CCND3: variants seen among roughly 807,000 people sequenced by gnomAD.
CCND3 encodes cyclin D3, also known as G1/S-specific cyclin-D3.
Under a neutral mutation model 28.7 loss-of-function variants are expected in CCND3, and 9 were observed. That is an observed-to-expected ratio of 0.31 (90% confidence interval 0.19 to 0.55). CCND3 has a LOEUF of 0.55. Ranked by LOEUF, CCND3 falls within the 20% of genes least tolerant of loss-of-function variation. The pLI is 0.93. For missense variants in CCND3, 315 were observed against 385.8 expected (o/e 0.82, Z 1.54); for synonymous variants, 164 against 163.9 (o/e 1.00, Z 0.00).
chr6:41,937,249 G>T lies in CCND3; in HGVS notation c.560C>A (p.Ala187Asp), dbSNP rs1303783852. The T allele has an allele frequency of 6.2e-7, 1 of 1,614,106 alleles. No homozygotes were observed. The highest frequency in any genetic ancestry group is 2.2e-5 in the East Asian group (1 of 44,890). The stretch of plus-strand genomic sequence containing the variant: ...AGGGCTCTTACCTGTAGCACAGAGG[G>T]CCAAAAAGGTCTGGGCATGCTTTTT... Reference protein sequence around the residue: ...LVKKHAQTFLALCATDYTFAM... With the variant: ...LVKKHAQTFLDLCATDYTFAM... The change falls in exon 3 of 5, where the codon GCC (alanine) becomes GAC (aspartate). Residue 187 changes from alanine (A) to aspartate (D), a missense_variant. Physicochemically the swap from Ala to Asp is moderately radical, Grantham distance 126 (BLOSUM62 -2). Transcript: ENST00000372991.
chr6:41,940,645 G>A, intron 1 of CCND3, 60 bp from the exon 2 acceptor site: 3 of 1,211,078 alleles, frequency 2.5e-6, no homozygotes, highest in Non-Finnish European at 3.7e-6. Context: ...GCAGCGGGGG[G>A]GTGGGAGCGC....
chr6:42,040,547 C>A (rs747116899), intron 1 of CCND3, among the ~76,000 whole-genome samples: 3 of 151,832 alleles, frequency 2.0e-5, no homozygotes, highest in Non-Finnish European at 4.4e-5. Flanking sequence ...GCCTCAGGGG[C>A]TTTATCTGCA....
intron 1 of CCND3, among the ~76,000 whole-genome samples, chr6:41,977,077 T>G (rs551404430): frequency 7.9e-5 from 12 of 152,266 alleles, no homozygotes; most frequent in African/African-American, 2.9e-4. Flanking sequence ...CTCATTGGCA[T>G]AAGGAATCCA....
intron 1 of CCND3, among the ~76,000 whole-genome samples, chr6:41,959,493 G>A (rs891320013): frequency 3.3e-5 from 5 of 151,598 alleles, no homozygotes; most frequent in Non-Finnish European, 7.4e-5. Flanking sequence ...GACCATCCTG[G>A]CCAACATGGT....
chr6:41,980,071 T>G (rs902862096), intron 1 of CCND3, among the ~76,000 whole-genome samples: 6 of 135,762 alleles, frequency 4.4e-5, no homozygotes, highest in Non-Finnish European at 1.6e-5. Context: ...TAATCCTCTA[T>G]CTATCTTAAA....
upstream of CCND3, among the ~76,000 whole-genome samples, chr6:41,944,263 G>A (rs1776113005): frequency 6.6e-6 from 1 of 152,066 alleles, no homozygotes; most frequent in African/African-American, 2.4e-5. Context: ...CTTGAGCCCA[G>A]GAGTTCAAGG....
At chr6:42,005,526 G>C (rs1297084546) in intron 1 of CCND3, among the ~76,000 whole-genome samples, 1 of 107,260 alleles carries the variant, frequency 9.3e-6, no homozygotes, top group Non-Finnish European at 1.7e-5. Context: ...GGGAGACAGA[G>C]TGAGACCCTG....
chr6:42,046,264 T>G (rs999999501), intron 1 of CCND3, among the ~76,000 whole-genome samples: 2 of 152,174 alleles, frequency 1.3e-5, no homozygotes, highest in Non-Finnish European at 2.9e-5. Context: ...TGTCCCGTGC[T>G]CTCGCTTGCA....
intron 1 of CCND3, among the ~76,000 whole-genome samples, chr6:41,999,810 G>A (rs974874427): frequency 6.6e-6 from 1 of 152,108 alleles, no homozygotes; most frequent in Non-Finnish European, 1.5e-5. Flanking sequence ...AGGATTCTTC[G>A]AGCCTAGAAG....
chr6:41,962,646 G>C (rs1042353568), intron 1 of CCND3, among the ~76,000 whole-genome samples: 5 of 152,210 alleles, frequency 3.3e-5, no homozygotes, highest in Non-Finnish European at 5.9e-5. Flanking sequence ...TTACTGAGGA[G>C]GCTTAGGTGG....
chr6:41,936,031 G>T lies in CCND3; in HGVS notation c.788C>A (p.Ser263Tyr), dbSNP rs1319973627. 1.2e-6 allele frequency: 2 copies of T among 1,613,408 alleles called. No individual in the cohort carries two copies. Among genetic ancestry groups the T allele is most frequent in the Non-Finnish European group, 1.7e-6 (2 of 1,179,620 alleles). The part of the protein sequence containing the change: ...ESLREASQTS[S>Y]SPAPKAPRGS... Reference sequence around the variant, plus strand: ...CCGGGGGGCTTTGGGCGCTGGGCTGGAGCTGGTCTGAGAGGCTTCCCTGAG... The same window carrying T: ...CCGGGGGGCTTTGGGCGCTGGGCTGTAGCTGGTCTGAGAGGCTTCCCTGAG... Residue 263 changes from serine (S) to tyrosine (Y), a missense_variant, in exon 5 of 5, where the codon TCC (serine) becomes TAC (tyrosine). Ser to Tyr is a moderately radical substitution (Grantham distance 144). Coordinates refer to ENST00000372991, the MANE Select transcript of CCND3 (RefSeq NM_001760.5). The surrounding 1 kb of genome is among the most constrained non-coding windows in gnomAD (Gnocchi z 4.4).
chr6:41,969,162 T>C (rs1761967088), intron 1 of CCND3, among the ~76,000 whole-genome samples: 1 of 152,042 alleles, frequency 6.6e-6, no homozygotes, highest in African/African-American at 2.4e-5. Flanking sequence ...AACTAGAATC[T>C]TCACGCCTGT....
intron 1 of CCND3, among the ~76,000 whole-genome samples, chr6:42,045,596 C>T (rs1764516348): frequency 6.6e-6 from 1 of 152,190 alleles, no homozygotes; most frequent in Non-Finnish European, 1.5e-5. Flanking sequence ...TGGAATTAGC[C>T]TTTCTCAACC....
In CCND3 at chr6:42,048,502, T is replaced by C. The variant is rs768243898; in HGVS notation, c.-47A>G. ...GGTTTCTCCAGCACCCAAGCCTACC[T>C]CCTCGTCAGGTGACCTCCCCGGAGC... is the stretch of plus-strand genomic sequence containing the variant. On this transcript the variant is annotated splice_region_variant and 5_prime_UTR_variant, in exon 1 of 5. Coordinates refer to the CCND3 transcript ENST00000372988. The surrounding 1 kb of genome is among the most constrained non-coding windows in gnomAD (Gnocchi z 4.7). 5.9e-6 allele frequency: 3 copies of C among 511,576 alleles called. No homozygotes were observed. The highest frequency in any genetic ancestry group is 4.3e-5 in the South Asian group (3 of 70,314). 31.7% of individuals were successfully genotyped at this position (511,576 alleles called of 1,614,324 possible).
chr6:41,983,384 A>G (rs2127413093), intron 1 of CCND3, among the ~76,000 whole-genome samples: 1 of 152,118 alleles, frequency 6.6e-6, no homozygotes, highest in African/African-American at 2.4e-5. Context: ...AAAAAAAAAA[A>G]AGGTGTATGT....
chr6:42,004,798 AG>A, intron 1 of CCND3, among the ~76,000 whole-genome samples: 1 of 152,332 alleles, frequency 6.6e-6, no homozygotes, highest in East Asian at 1.9e-4. Context: ...TTAAAGTGAA[AG>A]GGAGTACCAT....
intron 1 of CCND3, chr6:42,010,761 G>A (rs1245523945): frequency 6.6e-6 from 1 of 152,216 alleles, no homozygotes; most frequent in Non-Finnish European, 1.5e-5. Flanking sequence ...GACCTGCTCA[G>A]ACACCTTCTC....
intron 1 of CCND3, among the ~76,000 whole-genome samples, chr6:42,018,874 A>G (rs1322373884): frequency 6.9e-6 from 1 of 143,966 alleles, no homozygotes; most frequent in East Asian, 2.1e-4. Flanking sequence ...CTGGGCAGCA[A>G]GAGCGAAACT....
At chr6:42,004,212 C>CA (rs1001737343) in intron 1 of CCND3, among the ~76,000 whole-genome samples, 2 of 151,538 alleles carry the variant, frequency 1.3e-5, no homozygotes, top group African/African-American at 4.8e-5. Flanking sequence ...TCTCATCCCT[C>CA]ACTCAGCCTC....
Sources: allele counts gnomAD v4.1 joint callset (sites outside exome capture counted in the v4.1 genomes callset), GRCh38; gene constraint gnomAD v4.1.1; non-coding constraint Gnocchi (gnomAD v3.1); transcripts MANE v1.5; gene names NCBI Gene and HGNC (gene_info 2026-07-23, HGNC 2026-07-21).